Variants in AGPAT4 observed in about 807,000 individuals in gnomAD.
AGPAT4 encodes the protein 1-acyl-sn-glycerol-3-phosphate acyltransferase delta.
Under a neutral mutation model 48.0 loss-of-function variants are expected in AGPAT4, and 15 were observed. That is an observed-to-expected ratio of 0.31 (90% CI 0.21 to 0.48). The LOEUF (loss-of-function observed/expected upper bound fraction) is 0.48. Ranked by LOEUF, AGPAT4 falls within the 20% of genes least tolerant of loss-of-function variation. The pLI is 0.99. For missense variants in AGPAT4, 314 were observed against 482.5 expected (o/e 0.65, Z 3.27); for synonymous variants, 178 against 198.7 (o/e 0.90, Z 0.88).
At position 161,217,488 on chromosome 6, in the gene AGPAT4, G is replaced by A; in HGVS notation, c.178+14548C>T. 6.6e-6 allele frequency among the ~76,000 whole-genome samples: 1 copy of A among 152,224 alleles called. No individual in the cohort carries two copies. The highest frequency in any genetic ancestry group is 2.1e-4 in the South Asian group (1 of 4,836). Reference sequence around the variant, plus strand: ...AAGCCCAAAAGACATGCTTCTCCCTGTGTGTCCCTGGGGGAGTCCATCAGG... The same window carrying A: ...AAGCCCAAAAGACATGCTTCTCCCTATGTGTCCCTGGGGGAGTCCATCAGG... On this transcript the variant is annotated intron_variant, in intron 2 of 8. Transcript: ENST00000320285. The surrounding 1 kb of genome is among the most constrained non-coding windows in gnomAD (Gnocchi z 4.9).
chr6:161,146,026 G>T lies in AGPAT4; in HGVS notation c.843+498C>A, dbSNP rs1779412250. 6.6e-6 allele frequency among the ~76,000 whole-genome samples: 1 copy of T among 151,638 alleles called. No individual in the cohort carries two copies. The highest frequency in any genetic ancestry group is 2.4e-5 in the African/African-American group (1 of 40,922). On this transcript the variant is annotated intron_variant, in intron 7 of 8. Coordinates refer to ENST00000320285, the MANE Select transcript of AGPAT4 (RefSeq NM_020133.3). The surrounding 1 kb of genome is among the most constrained non-coding windows in gnomAD (Gnocchi z 7.1). ...TCAGAGAAAGGACAGAACAAGTAGG[G>T]GGACCCTGGAGAACTGGACCACAGA...
chr6:161,249,897 T>C lies in AGPAT4; in HGVS notation c.-89-17595A>G, dbSNP rs1437107022. Among the ~76,000 whole-genome samples the C allele has an allele frequency of 1.3e-5, 2 of 152,206 alleles. No homozygotes were observed. The highest frequency in any genetic ancestry group is 4.8e-5 in the African/African-American group (2 of 41,452). On this transcript the variant is annotated intron_variant, in intron 1 of 8. Transcript: ENST00000320285. This position sits in a 1 kb window ranked among gnomAD's most constrained non-coding sequence, Gnocchi z 6.2. The stretch of plus-strand genomic sequence containing the variant: ...CAGTACTACTGCAGCTATTCACAGC[T>C]ATTCACTATTGCAGCTATTCACAAT...
Position 161,216,488 on chromosome 6 carries a change from G to A in AGPAT4, c.178+15548C>T, listed in dbSNP as rs946107674. Among the ~76,000 whole-genome samples the A allele has an allele frequency of 3.3e-5, 5 of 152,142 alleles. No individual in the cohort carries two copies. The highest frequency in any genetic ancestry group is 2.6e-4 in the Admixed American group (4 of 15,286). On this transcript the variant is annotated intron_variant, in intron 2 of 8. Coordinates refer to ENST00000320285, the MANE Select transcript of AGPAT4 (RefSeq NM_020133.3). The surrounding 1 kb of genome is among the most constrained non-coding windows in gnomAD (Gnocchi z 4.8). ...CATTCTTTCCCAACTTCCTCCCTGG[G>A]CTCCACTGTGGAAACCAAAATGCTG...
In AGPAT4 at chr6:161,140,701, C is replaced by T. The variant is rs1265811422; in HGVS notation, c.844-1081G>A. On this transcript the variant is annotated intron_variant, in intron 7 of 8. Coordinates refer to ENST00000320285, the MANE Select transcript of AGPAT4 (RefSeq NM_020133.3). The surrounding 1 kb of genome is among the most constrained non-coding windows in gnomAD (Gnocchi z 6.5). ...CAAGGAGCTGTGGCACCAGGATGCC[C>T]GCTGGCCCGTCTAAGGGCAGGTCCT... is the stretch of plus-strand genomic sequence containing the variant. Among the ~76,000 whole-genome samples, 5 of 152,206 alleles carry T rather than the reference C, an allele frequency of 3.3e-5. No homozygotes were observed. The highest frequency in any genetic ancestry group is 2.1e-4 in the South Asian group (1 of 4,830).
chr6:161,268,123 A>G (rs1238718440), intron 1 of AGPAT4, among the ~76,000 whole-genome samples: 2 of 152,134 alleles, frequency 1.3e-5, no homozygotes, highest in Non-Finnish European at 2.9e-5. Context: ...ATGGAGCACG[A>G]TGAGAGTTTT....
At chr6:161,241,998 G>T (rs1782506965) in intron 1 of AGPAT4, among the ~76,000 whole-genome samples, 2 of 152,232 alleles carry the variant, frequency 1.3e-5, no homozygotes, top group Non-Finnish European at 2.9e-5. Context: ...CTTCCAAAGT[G>T]CTGGGATTAC....
chr6:161,154,161 G>C lies in AGPAT4; in HGVS notation c.498C>G (p.Pro166=). The C allele has an allele frequency of 1.2e-6, 2 of 1,614,106 alleles. No individual in the cohort carries two copies. Among genetic ancestry groups the C allele is most frequent in the Non-Finnish European group, 1.7e-6 (2 of 1,180,026 alleles). The stretch of plus-strand genomic sequence containing the variant: ...GGTGCCTACATACAAAATACTTCTC[G>C]GGGTAGTCCCGGAGGTGCTGCAAAC... ...ATSLQHLRDY[P]EKYFFLIHCE... The change falls in exon 4 of 9, where the codon CCC becomes CCG. Residue 166 remains proline (P), a synonymous_variant. Transcript: ENST00000320285. The surrounding 1 kb of genome is among the most constrained non-coding windows in gnomAD (Gnocchi z 7.8).
Position 161,165,754 on chromosome 6 carries a change from T to G in AGPAT4, c.348+494A>C, listed in dbSNP as rs1295070761. The G allele has an allele frequency of 1.3e-6, 1 of 747,734 alleles. No individual in the cohort carries two copies. Among genetic ancestry groups the G allele is most frequent in the South Asian group, 1.4e-5 (1 of 69,382 alleles). 46.3% of individuals were successfully genotyped at this position (747,734 alleles called of 1,614,324 possible). ...AAAAAACAGAATTTCAGAATAATTC[T>G]GAATTTTGCAGTTCACTCTCTCACT... On this transcript the variant is annotated intron_variant, in intron 3 of 8. Coordinates refer to ENST00000320285, the MANE Select transcript of AGPAT4 (RefSeq NM_020133.3). This position sits in a 1 kb window ranked among gnomAD's most constrained non-coding sequence, Gnocchi z 5.5.
Position 161,135,111 on chromosome 6 carries a change from A to AAAT in AGPAT4, c.*1426_*1428dup, listed in dbSNP as rs1288014238. 2.0e-5 allele frequency: 3 copies of AAAT among 150,338 alleles called. No individual in the cohort carries two copies. In the East Asian group the frequency reaches 5.8e-4, roughly 29 times the overall value. The allele number at this position is 150,338 out of a possible 1,614,324, so 9.3% of individuals were successfully genotyped here. On this transcript the variant is annotated 3_prime_UTR_variant, in exon 9 of 9. Transcript: ENST00000320285. ...GTTGATAAACAATGACTAAATGAGC[A>AAAT]AATAGCCAAAAACATAACTGCATAG...
intron 2 of AGPAT4, among the ~76,000 whole-genome samples, chr6:161,227,779 C>T (rs192962112): frequency 9.1e-4 from 138 of 152,310 alleles, no homozygotes; most frequent in African/African-American, 3.1e-3. Context: ...CACCACTACA[C>T]GCAGTAGTGT....
chr6:161,243,558 C>G lies in AGPAT4; in HGVS notation c.-89-11256G>C, dbSNP rs765119571. On this transcript the variant is annotated intron_variant, in intron 1 of 8. Transcript: ENST00000320285. The surrounding 1 kb of genome is among the most constrained non-coding windows in gnomAD (Gnocchi z 4.8). ...GGGTCAGTAGCTTATGCTCTCTGAG[C>G]CTCCGGGTCTGTATCTGCTAATGGA... Among the ~76,000 whole-genome samples, 81 of 152,268 alleles carry G rather than the reference C, an allele frequency of 5.3e-4. No individual in the cohort carries two copies. Among genetic ancestry groups the G allele is most frequent in the Non-Finnish European group, 1.8e-4 (12 of 68,026 alleles).
rs998444405 is a variant in AGPAT4 at position 161,214,192 on chromosome 6, A to G, written c.178+17844T>C. Among the ~76,000 whole-genome samples the G allele has an allele frequency of 3.3e-5, 5 of 152,070 alleles. No homozygotes were observed. The highest frequency in any genetic ancestry group is 7.2e-5 in the African/African-American group (3 of 41,394). On this transcript the variant is annotated intron_variant, in intron 2 of 8. Transcript: ENST00000320285. The surrounding 1 kb of genome is among the most constrained non-coding windows in gnomAD (Gnocchi z 5.4). ...TGTCCTGCCTTTCCAGACCAAACCA[A>G]TGTTCATGTTACATCTGTTGATTGA...
intron 5 of AGPAT4, among the ~76,000 whole-genome samples, chr6:161,151,239 T>C (rs1371393208): frequency 6.6e-6 from 1 of 152,238 alleles, no homozygotes; most frequent in East Asian, 1.9e-4. Flanking sequence ...TGTCCTTATC[T>C]GTGAACCGAA....
chr6:161,134,520 C>T lies in AGPAT4; in HGVS notation c.*2020G>A, dbSNP rs2114944150. The T allele has an allele frequency of 6.6e-6, 1 of 152,288 alleles. No individual in the cohort carries two copies. Among genetic ancestry groups the T allele is most frequent in the East Asian group, 1.9e-4 (1 of 5,182 alleles). The allele number at this position is 152,288 out of a possible 1,614,324, so 9.4% of individuals were successfully genotyped here. ...AGTGCTTTAGGATTCTTAAAGTGTG[C>T]TCTTTTACCCTTGACACACCCCAAG... On this transcript the variant is annotated 3_prime_UTR_variant, in exon 9 of 9. Transcript: ENST00000320285.
Position 161,161,363 on chromosome 6 carries a change from C to T in AGPAT4, c.348+4885G>A, listed in dbSNP as rs781701291. ...CTGGCCAGTGGTTCGCCTGCTACCT[C>T]GGTCGTCACCATTATCGGGTTCCTC... On this transcript the variant is annotated intron_variant, in intron 3 of 8. Coordinates refer to ENST00000320285, the MANE Select transcript of AGPAT4 (RefSeq NM_020133.3). The surrounding 1 kb of genome is among the most constrained non-coding windows in gnomAD (Gnocchi z 4.6). 38 of 456,618 alleles carry T rather than the reference C, an allele frequency of 8.3e-5. No individual in the cohort carries two copies. The highest frequency in any genetic ancestry group is 4.6e-4 in the South Asian group (30 of 64,578). The allele number at this position is 456,618 out of a possible 1,614,324, so 28.3% of individuals were successfully genotyped here. A position where few individuals can be genotyped will look rare whatever the true frequency, so the allele number is the denominator to read the frequency against.
intron 1 of AGPAT4, among the ~76,000 whole-genome samples, chr6:161,247,193 T>G (rs562122380): frequency 6.6e-6 from 1 of 152,360 alleles, no homozygotes; most frequent in East Asian, 1.9e-4. Flanking sequence ...AGGTGACTTT[T>G]TTTAAAACAA....
rs1782747511 is a variant in AGPAT4, at chr6:161,249,445, T to C, written c.-89-17143A>G. On this transcript the variant is annotated intron_variant, in intron 1 of 8. Transcript: ENST00000320285. The surrounding 1 kb of genome is among the most constrained non-coding windows in gnomAD (Gnocchi z 6.2). ...ACAAAGGCCTAAAATCCAGCATCCATAAGGAACTTAAATAAATTTACGAGA... is the reference window on the plus strand; with the variant it reads ...ACAAAGGCCTAAAATCCAGCATCCACAAGGAACTTAAATAAATTTACGAGA... Among the ~76,000 whole-genome samples the C allele has an allele frequency of 1.3e-5, 2 of 152,028 alleles. No individual in the cohort carries two copies. Among genetic ancestry groups the C allele is most frequent in the South Asian group, 4.2e-4 (2 of 4,816 alleles).
chr6:161,153,548 G>A (rs1346187696), intron 4 of AGPAT4, 49 bp from the exon 5 acceptor site: 2 of 1,595,908 alleles, frequency 1.3e-6, no homozygotes, highest in Admixed American at 3.4e-5. Context: ...GTCACACACA[G>A]CCCTGGGGTC....
At chr6:161,136,708 A>G (rs1452030382) in intron 8 of AGPAT4, 74 bp from the exon 9 acceptor site, 30 of 1,347,680 alleles carry the variant, frequency 2.2e-5, no homozygotes, top group South Asian at 1.9e-4. Context: ...AGAGCAAGTG[A>G]GAAGGCCCGT....
Sources: gnomAD v4.1 joint callset for allele counts (sites outside exome capture counted in the v4.1 genomes callset) on GRCh38, gnomAD v4.1.1 for gene constraint, Gnocchi (gnomAD v3.1) non-coding constraint, MANE v1.5 for transcripts, NCBI Gene and HGNC (gene_info 2026-07-23, HGNC 2026-07-21) for gene names.